The following UTRN variants were observed in gnomAD, a reference collection of about 807,000 sequenced individuals.
UTRN encodes utrophin.
In UTRN, 283 loss-of-function variants were observed where a neutral mutation model predicts 463.9. The observed-to-expected ratio is 0.61, with a 90% CI of 0.55 to 0.67. The LOEUF (loss-of-function observed/expected upper bound fraction) is 0.67. Among genes scored for constraint, UTRN ranks in the 30% least tolerant of loss-of-function variants. The pLI is 0.00. For missense variants in UTRN, 3,922 were observed against 4,084.3 expected, an observed-to-expected ratio of 0.96 and a Z score of 1.08; for synonymous variants, 1,442 against 1,431.5, an observed-to-expected ratio of 1.01 and a Z score of -0.17.
intron 3 of UTRN, among the ~76,000 whole-genome samples, chr6:144,420,527 A>G (rs1455079380): frequency 6.6e-6 from 1 of 152,190 alleles, no homozygotes; most frequent in East Asian, 1.9e-4. Context: ...ATGGAGTGGG[A>G]TTTTCTGGCA....
intron 50 of UTRN, among the ~76,000 whole-genome samples, chr6:144,568,721 A>G (rs143386231): frequency 6.6e-6 from 1 of 152,250 alleles, no homozygotes; most frequent in African/African-American, 2.4e-5. Flanking sequence ...GTGGAGGAAC[A>G]CTTCTAGTAG....
intron 50 of UTRN, 93 bp downstream of exon 50, chr6:144,557,404 T>G: frequency 7.8e-7 from 1 of 1,282,794 alleles, no homozygotes; most frequent in Non-Finnish European, 1.1e-6. Flanking sequence ...AACATGTGGC[T>G]ACTACAAGTA....
At position 144,839,195 on chromosome 6, in the gene UTRN, ATGG is replaced by A; in HGVS notation, c.10091_10093del (p.Gly3364del). On this transcript the variant is annotated inframe_deletion, in exon 72 of 75. Coordinates refer to ENST00000367545, the MANE Select transcript of UTRN (RefSeq NM_007124.3). ...CAGCCTGAATCTGATTCCCGAATCA[ATGG>A]TGTTTCCCCATGGGCTTCTCCTCAG... 6.2e-7 allele frequency: 1 copy of A among 1,614,100 alleles called. No homozygotes were observed.
intron 50 of UTRN, among the ~76,000 whole-genome samples, chr6:144,576,154 T>A (rs965780425): frequency 5.3e-5 from 8 of 152,182 alleles, no homozygotes; most frequent in African/African-American, 1.9e-4. Flanking sequence ...GTTTATTAAT[T>A]TCTGTCTCAA....
chr6:144,307,438 G>A (rs185523608), intron 2 of UTRN, among the ~76,000 whole-genome samples: 29 of 152,306 alleles, frequency 1.9e-4, no homozygotes, highest in Non-Finnish European at 4.4e-5. Flanking sequence ...TATTCTCAAA[G>A]GAGACCTATG....
chr6:144,392,145 G>A (rs552514546), intron 2 of UTRN, among the ~76,000 whole-genome samples: 35 of 152,184 alleles, frequency 2.3e-4, no homozygotes, highest in Non-Finnish European at 4.1e-4. Context: ...TTAAAATATT[G>A]AGTATATGTT....
At chr6:144,566,064 A>G (rs1303503116) in intron 50 of UTRN, among the ~76,000 whole-genome samples, 2 of 152,204 alleles carry the variant, frequency 1.3e-5, no homozygotes, top group Non-Finnish European at 2.9e-5. Flanking sequence ...AGTGAGATTT[A>G]GAGAATTGGG....
intron 2 of UTRN, among the ~76,000 whole-genome samples, chr6:144,378,381 C>T (rs1490471809): frequency 1.3e-5 from 2 of 152,148 alleles, no homozygotes; most frequent in Non-Finnish European, 2.9e-5. Flanking sequence ...CATTTCTTGC[C>T]CTCTTGGGCT....
chr6:144,344,247 A>C, intron 2 of UTRN: 2 of 1,304,156 alleles, frequency 1.5e-6, no homozygotes, highest in Non-Finnish European at 2.0e-6. Context: ...TCATTGGAAA[A>C]AGTGCAGATT....
intron 65 of UTRN, among the ~76,000 whole-genome samples, chr6:144,804,537 C>G (rs1777975708): frequency 6.6e-6 from 1 of 152,194 alleles, no homozygotes; most frequent in South Asian, 2.1e-4. Flanking sequence ...ACAGAGGTGA[C>G]TGGGTGTTTT....
chr6:144,838,729 G>T (rs978459465), intron 71 of UTRN, among the ~76,000 whole-genome samples: 1 of 152,154 alleles, frequency 6.6e-6, no homozygotes, highest in Non-Finnish European at 1.5e-5. Flanking sequence ...CTTATGAGTG[G>T]CAGAGTGGGA....
intron 54 of UTRN, among the ~76,000 whole-genome samples, chr6:144,741,428 A>G (rs904210281): frequency 6.6e-6 from 1 of 152,174 alleles, no homozygotes; most frequent in Non-Finnish European, 1.5e-5. Flanking sequence ...CTAGTTAAAG[A>G]TATTGTACAG....
At position 144,836,507 on chromosome 6, in the gene UTRN, C is replaced by A. The variant is rs1781116021; in HGVS notation, c.10031C>A (p.Ser3344Tyr). The A allele has an allele frequency of 1.9e-6, 3 of 1,613,852 alleles. No homozygotes were observed. The highest frequency in any genetic ancestry group is 1.1e-5 in the South Asian group (1 of 91,050). The change falls in exon 71 of 75, where the codon TCT becomes TAT. Residue 3344 changes from serine (S) to tyrosine (Y), a missense_variant. Transcript: ENST00000367545. ...ILEDHNKQLE[S>Y]QLHRLRQLLE... Reference sequence around the variant, plus strand: ...GAAGATCACAATAAACAGCTGGAGTCTCAGCTCCACCGCCTCCGACAGCTG... The same window carrying A: ...GAAGATCACAATAAACAGCTGGAGTATCAGCTCCACCGCCTCCGACAGCTG...
At chr6:144,334,323 G>T (rs931535013) in intron 2 of UTRN, among the ~76,000 whole-genome samples, 1 of 149,608 alleles carries the variant, frequency 6.7e-6, no homozygotes, top group Admixed American at 6.7e-5. Context: ...TTTGGGGGGG[G>T]TGGGGGTGGT....
Position 144,516,809 on chromosome 6 carries a change from A to G in UTRN, c.5404-2A>G, listed in dbSNP as rs751484116. 3 of 1,447,372 alleles carry G rather than the reference A, an allele frequency of 2.1e-6. No individual in the cohort carries two copies. Among genetic ancestry groups the G allele is most frequent in the East Asian group, 2.6e-5 (1 of 38,436 alleles). The allele number at this position is 1,447,372 out of a possible 1,614,324, so 89.7% of individuals were successfully genotyped here. A position where few individuals can be genotyped will look rare whatever the true frequency, so the allele number is the denominator to read the frequency against. Reference sequence around the variant, plus strand: ...ATTTTTTTTTTCCTTTTAAAAATTTAGATGGATGAGGAGAGTGCCCAGATT... The same window carrying G: ...ATTTTTTTTTTCCTTTTAAAAATTTGGATGGATGAGGAGAGTGCCCAGATT... On this transcript the variant is annotated splice_acceptor_variant, in intron 38 of 74. Coordinates refer to ENST00000367545, the MANE Select transcript of UTRN (RefSeq NM_007124.3). LOFTEE classifies it high-confidence loss of function.
chr6:144,462,610 A>G, intron 22 of UTRN, 44 bp from the exon 23 acceptor site: 2 of 1,530,240 alleles, frequency 1.3e-6, no homozygotes, highest in South Asian at 2.5e-5. Flanking sequence ...ATCTGTGCAG[A>G]CACATTTTTG....
chr6:144,680,303 G>T (rs1782076615), intron 52 of UTRN, among the ~76,000 whole-genome samples: 1 of 151,956 alleles, frequency 6.6e-6, no homozygotes, highest in Non-Finnish European at 1.5e-5. Flanking sequence ...GGTCTTTCTT[G>T]GGAGTTATTG....
At chr6:144,736,383 A>T (rs1430524501) in intron 54 of UTRN, among the ~76,000 whole-genome samples, 1 of 152,120 alleles carries the variant, frequency 6.6e-6, no homozygotes, top group Admixed American at 6.6e-5. Flanking sequence ...AGATGGAGTC[A>T]CCTCTTTTCT....
chr6:144,463,797 T>C (rs1454574137), intron 23 of UTRN, among the ~76,000 whole-genome samples: 1 of 151,698 alleles, frequency 6.6e-6, no homozygotes, highest in Non-Finnish European at 1.5e-5. Context: ...TGGATATATC[T>C]CTGTATATCT....
Sources: allele counts gnomAD v4.1 joint callset (sites outside exome capture counted in the v4.1 genomes callset), GRCh38; gene constraint gnomAD v4.1.1; transcripts MANE v1.5; gene names NCBI Gene and HGNC (gene_info 2026-07-23, HGNC 2026-07-21).